The following PLCD1 variants were observed in gnomAD, a reference collection of about 807,000 sequenced individuals.
PLCD1 encodes the protein phospholipase C delta 1.
A neutral mutation model predicts 87.4 loss-of-function variants in PLCD1; 71 were observed. The observed-to-expected ratio is 0.81, with a 90% CI of 0.67 to 0.99. The LOEUF is 0.99. Among genes scored for constraint, PLCD1 ranks in the 50% least tolerant of loss-of-function variants. The probability of loss-of-function intolerance (pLI) is 0.00; values close to 1 mark genes in which losing one functional copy is unlikely to be tolerated. For synonymous variants in PLCD1, 348 were observed against 399.2 expected, an observed-to-expected ratio of 0.87 and a Z score of 1.53; for missense variants, 867 against 1,001.5, an observed-to-expected ratio of 0.87 and a Z score of 1.81.
rs1700077395 is a variant in PLCD1, at chr3:38,011,529, C to A, written c.558+15G>T. On this transcript the variant is annotated intron_variant, in intron 4 of 14. Coordinates refer to ENST00000334661, the MANE Select transcript of PLCD1 (RefSeq NM_006225.4). ...CCCATGGACAGGCAGCCCCAGCCCCCACTTCCTGCCTCACCCTGAAGATCT... is the reference window on the plus strand; with the variant it reads ...CCCATGGACAGGCAGCCCCAGCCCCAACTTCCTGCCTCACCCTGAAGATCT... 4 of 1,614,008 alleles carry A rather than the reference C, an allele frequency of 2.5e-6. No individual in the cohort carries two copies. Among genetic ancestry groups the A allele is most frequent in the East Asian group, 2.2e-5 (1 of 44,898 alleles).
intron 5 of PLCD1, 93 bp downstream of exon 5, chr3:38,011,121 G>C (rs923897066): frequency 3.0e-6 from 3 of 987,992 alleles, no homozygotes; most frequent in Non-Finnish European, 4.4e-6. Context: ...CCTTCCCTCC[G>C]GTTCCCTTCT....
At chr3:38,021,970 CT>C (rs1700239922) in intron 1 of PLCD1, among the ~76,000 whole-genome samples, 1 of 152,238 alleles carries the variant, frequency 6.6e-6, no homozygotes, top group South Asian at 2.1e-4. Context: ...CTCACACACT[CT>C]TTATCCTTCC....
intron 1 of PLCD1, among the ~76,000 whole-genome samples, chr3:38,026,385 G>A (rs551607058): frequency 2.0e-5 from 3 of 152,246 alleles, no homozygotes; most frequent in East Asian, 1.9e-4. Flanking sequence ...CGGGCGTGGC[G>A]GCCGGCACCT....
In PLCD1 at chr3:38,013,109, C is replaced by T. The variant is rs566099174; in HGVS notation, c.429-1436G>A. ...TTTGCCACGTTGCCCAGACTAGTCT[C>T]GAACTCCTAAGCTCAAGCGATCCAC... is the stretch of plus-strand genomic sequence containing the variant. On this transcript the variant is annotated intron_variant, in intron 3 of 14. Transcript: ENST00000334661. Among the ~76,000 whole-genome samples the T allele has an allele frequency of 2.6e-5, 4 of 151,276 alleles. No homozygotes were observed. In the South Asian group the frequency reaches 6.3e-4, roughly 24 times the overall value.
Position 38,009,710 on chromosome 3 carries a change from G to T in PLCD1, c.1389C>A (p.Asp463Glu), listed in dbSNP as rs375010877. ...GPEATVVSDE[D>E]EAAEMEDEAV... ...CCTCATCCTCCATCTCAGCAGCCTCGTCTTCGTCTGACACCACAGTGGCCT... is the reference window on the plus strand; with the variant it reads ...CCTCATCCTCCATCTCAGCAGCCTCTTCTTCGTCTGACACCACAGTGGCCT... Residue 463 changes from aspartate to glutamate, a missense_variant, in exon 9 of 15, where the codon GAC becomes GAA. Asp to Glu is a conservative substitution (Grantham distance 45). Transcript: ENST00000334661. 1 of 1,614,120 alleles carries T rather than the reference G, an allele frequency of 6.2e-7. No homozygotes were observed. The highest frequency in any genetic ancestry group is 8.5e-7 in the Non-Finnish European group (1 of 1,180,004).
Position 38,020,262 on chromosome 3 carries a change from TAGA to T in PLCD1, c.122_124del (p.Phe41del). The T allele has an allele frequency of 6.2e-7, 1 of 1,614,088 alleles. No homozygotes were observed. The highest frequency in any genetic ancestry group is 8.5e-7 in the Non-Finnish European group (1 of 1,179,976). On this transcript the variant is annotated inframe_deletion, in exon 2 of 15. Transcript: ENST00000334661. ...GGTCTTGCAGTCCTCCTGCAACTTGTAGAAGCGCTCTCTCCTCCATGAGCTGGA... is the reference window on the plus strand; with the variant it reads ...GGTCTTGCAGTCCTCCTGCAACTTGTAGCGCTCTCTCCTCCATGAGCTGGA...
At position 38,009,131 on chromosome 3, in the gene PLCD1, C is replaced by T. The variant is rs1360693090; in HGVS notation, c.1634G>A (p.Gly545Glu). The T allele has an allele frequency of 4.3e-6, 7 of 1,614,054 alleles. No individual in the cohort carries two copies. Among genetic ancestry groups the T allele is most frequent in the Middle Eastern group, 1.6e-4 (1 of 6,064 alleles). ...SGNGFVRHNV[G>E]HLSRIYPAGW... ...AGCCGGGTAGATTCTGCTCAGGTGC[C>T]CCACGTTGTGGCGGACAAAGCCGTT... is the stretch of plus-strand genomic sequence containing the variant. The change falls in exon 11 of 15, where the codon GGG (glycine) becomes GAG (glutamate). Residue 545 changes from glycine (G) to glutamate (E), a missense_variant. By Grantham distance (98) the Gly-to-Glu change is moderately conservative. Transcript: ENST00000334661.
chr3:38,020,693 C>T (rs1052461274), intron 1 of PLCD1, among the ~76,000 whole-genome samples: 2 of 152,174 alleles, frequency 1.3e-5, no homozygotes, highest in Non-Finnish European at 1.5e-5. Context: ...GGACCAGCCC[C>T]CTAAGAAATG....
At chr3:38,024,269 T>C in intron 1 of PLCD1, 1 of 1,409,092 alleles carries the variant, frequency 7.1e-7, no homozygotes, top group East Asian at 2.4e-5. Context: ...AAGGGACAAG[T>C]GGTCGGCGTC....
intron 1 of PLCD1, among the ~76,000 whole-genome samples, chr3:38,023,189 G>A (rs552002378): frequency 1.6e-4 from 25 of 152,038 alleles, no homozygotes; most frequent in African/African-American, 6.0e-4. Flanking sequence ...CTGGGCCTGG[G>A]ACCCACAGCG....
intron 3 of PLCD1, among the ~76,000 whole-genome samples, chr3:38,013,886 G>GA (rs1237566315): frequency 6.6e-6 from 1 of 152,154 alleles, no homozygotes; most frequent in Non-Finnish European, 1.5e-5. Context: ...CACAGAAAAG[G>GA]AAATTAACAG....
At position 38,009,253 on chromosome 3, in the gene PLCD1, G is replaced by A. The variant is rs1367904234; in HGVS notation, c.1606+19C>T. The A allele has an allele frequency of 6.2e-7, 1 of 1,613,994 alleles. No homozygotes were observed. Among genetic ancestry groups the A allele is most frequent in the Non-Finnish European group, 8.5e-7 (1 of 1,179,894 alleles). ...CTCTCTGTAACAGAGCAGGGGAGTG[G>A]TGGGGAGCCAGGCCTCACCTGATTC... On this transcript the variant is annotated intron_variant, in intron 10 of 14. Coordinates refer to ENST00000334661, the MANE Select transcript of PLCD1 (RefSeq NM_006225.4).
chr3:38,015,741 C>T (rs1400466321), intron 3 of PLCD1, among the ~76,000 whole-genome samples: 2 of 152,208 alleles, frequency 1.3e-5, no homozygotes, highest in African/African-American at 4.8e-5. Context: ...AGCTCACAGG[C>T]TGGCCTACAC....
rs965383954 is a variant in PLCD1, at chr3:38,017,460, G to A, written c.200-741C>T. On this transcript the variant is annotated intron_variant, in intron 2 of 14. Coordinates refer to ENST00000334661, the MANE Select transcript of PLCD1 (RefSeq NM_006225.4). The surrounding 1 kb of genome is among the most constrained non-coding windows in gnomAD (Gnocchi z 4.7). ...GGCAAACTGGAGGGTCTCCTGCAGG[G>A]TTCTGAGAGATTACATCATTCTGCC... is the stretch of plus-strand genomic sequence containing the variant. 1.3e-5 allele frequency among the ~76,000 whole-genome samples: 2 copies of A among 152,144 alleles called. No individual in the cohort carries two copies. Among genetic ancestry groups the A allele is most frequent in the Non-Finnish European group, 2.9e-5 (2 of 68,010 alleles).
rs772884467 is a variant in PLCD1 at position 38,010,364 on chromosome 3, A to C, written c.989T>G (p.Ile330Ser). ...LAGPSSTEAY[I>S]RALCKGCRCL... ...CCCAAGGCTCCCTGAGCAGCACCGG[A>C]TGTAGGCTTCAGTGCTGCTGGGCCC... Residue 330 changes from isoleucine to serine, a missense_variant, in exon 6 of 15, where the codon ATC becomes AGC. Coordinates refer to ENST00000334661, the MANE Select transcript of PLCD1 (RefSeq NM_006225.4). The C allele has an allele frequency of 1.7e-5, 27 of 1,614,052 alleles. No homozygotes were observed. Among genetic ancestry groups the C allele is most frequent in the Non-Finnish European group, 2.3e-5 (27 of 1,179,988 alleles).
In PLCD1 at chr3:38,009,625, TGCCCC is replaced by T. The variant is rs779121493; in HGVS notation, c.1446+23_1446+27del. The T allele has an allele frequency of 1.4e-5, 23 of 1,613,552 alleles. No individual in the cohort carries two copies. In the Admixed American group the frequency reaches 3.8e-4, roughly 27 times the overall value. On this transcript the variant is annotated intron_variant, in intron 9 of 14. Transcript: ENST00000334661. Reference sequence around the variant, plus strand: ...GTGAGGGGATGGGGAAGGCCCGGGCTGCCCCACCCCACAGCTCCCCCTCAAACCTT... The same window carrying T: ...GTGAGGGGATGGGGAAGGCCCGGGCTACCCCACAGCTCCCCCTCAAACCTT...
At chr3:38,028,852 G>C (rs1388089631) in intron 1 of PLCD1, among the ~76,000 whole-genome samples, 3 of 152,258 alleles carry the variant, frequency 2.0e-5, no homozygotes, top group Non-Finnish European at 4.4e-5. Context: ...ACAAAGCTCC[G>C]CTGGACAAAG....
chr3:38,015,629 G>T (rs1285020648), intron 3 of PLCD1, among the ~76,000 whole-genome samples: 1 of 152,212 alleles, frequency 6.6e-6, no homozygotes, highest in Non-Finnish European at 1.5e-5. Context: ...AAAATGGAGA[G>T]AGCTGGCTCC....
intron 1 of PLCD1, among the ~76,000 whole-genome samples, chr3:38,027,808 T>C (rs1267551377): frequency 6.6e-6 from 1 of 152,252 alleles, no homozygotes; most frequent in Non-Finnish European, 1.5e-5. Context: ...TGACAGGTTC[T>C]TATTTCCCCA....
Sources: allele counts gnomAD v4.1 joint callset (sites outside exome capture counted in the v4.1 genomes callset), GRCh38; gene constraint gnomAD v4.1.1; non-coding constraint Gnocchi (gnomAD v3.1); transcripts MANE v1.5; gene names NCBI Gene and HGNC (gene_info 2026-07-23, HGNC 2026-07-21).